The following MTM1 variants were observed in gnomAD, a reference collection of about 807,000 sequenced individuals.
The protein encoded by MTM1 is myotubularin 1, also known as myotubularin.
In MTM1, 9 loss-of-function variants were observed where a neutral mutation model predicts 52.1. The ratio of observed to expected loss-of-function variants is 0.17; its 90% CI spans 0.10 to 0.30. The LOEUF is 0.30. MTM1 is among the 10% of genes least tolerant of loss of function. MTM1 has a pLI of 1.00. For synonymous variants in MTM1, 136 were observed against 163.8 expected (o/e 0.83, Z 1.29); for missense variants, 277 against 470.7 (o/e 0.59, Z 3.81).
chrX:150,627,046 A>T (rs782051836), intron 6 of MTM1, among the ~76,000 whole-genome samples: 1 of 111,289 alleles, frequency 9.0e-6, no homozygotes, highest in East Asian at 2.8e-4. Context: ...TCTGGAACTG[A>T]CATTTCACCT....
At chrX:150,578,688 C>T (rs2038516386) in intron 1 of MTM1, among the ~76,000 whole-genome samples, 1 of 111,312 alleles carries the variant, frequency 9.0e-6, no homozygotes, top group Admixed American at 9.5e-5. Flanking sequence ...ATTGCTAGGA[C>T]CTCAAAAAGA....
chrX:150,572,253 T>A (rs1215273367), intron 1 of MTM1, among the ~76,000 whole-genome samples: 2 of 112,148 alleles, frequency 1.8e-5, no homozygotes, highest in African/African-American at 6.5e-5. Flanking sequence ...TAATAAAACC[T>A]GCCCTGCCAA....
At chrX:150,604,990 G>A (rs1026985704) in intron 4 of MTM1, among the ~76,000 whole-genome samples, 24 of 110,987 alleles carry the variant, frequency 2.2e-4, no homozygotes, top group African/African-American at 6.6e-4. Flanking sequence ...TGGACTTCTC[G>A]TGCAGCCATT....
chrX:150,627,485 T>A (rs190852852), intron 6 of MTM1, among the ~76,000 whole-genome samples: 16 of 112,183 alleles, frequency 1.4e-4, no homozygotes, highest in African/African-American at 4.9e-4. Context: ...TATGTTTTTT[T>A]AATTATAAAA....
Position 150,658,245 on chromosome X carries a change from A to G in MTM1, c.1260+218A>G, listed in dbSNP as rs181430830. Among the ~76,000 whole-genome samples the G allele has an allele frequency of 4.4e-4, 50 of 112,371 alleles. No individual in the cohort carries two copies. The East Asian group carries it at 0.014, about 31-fold the overall frequency. On this transcript the variant is annotated intron_variant, in intron 11 of 14. Coordinates refer to ENST00000370396, the MANE Select transcript of MTM1 (RefSeq NM_000252.3). Reference sequence around the variant, plus strand: ...TGCAGTTTCACTTGAAAGCAATACAAAGAATCTTCATAGAAATGTTTACAT... The same window carrying G: ...TGCAGTTTCACTTGAAAGCAATACAGAGAATCTTCATAGAAATGTTTACAT...
At position 150,618,154 on chromosome X, in the gene MTM1, T is replaced by C. The variant is rs2039416719; in HGVS notation, c.343-884T>C. On this transcript the variant is annotated intron_variant, in intron 5 of 14. Transcript: ENST00000370396. ...CCCAAAAGTGTAGTTACTACTAATA[T>C]GGGCTACTTTAATGTGGCTTATATG... is the stretch of plus-strand genomic sequence containing the variant. 2.7e-5 allele frequency among the ~76,000 whole-genome samples: 3 copies of C among 111,693 alleles called. No individual in the cohort carries two copies. The Admixed American group carries it at 2.9e-4, about 11-fold the overall frequency.
chrX:150,626,332 G>C (rs1557413420), intron 6 of MTM1, among the ~76,000 whole-genome samples: 1 of 111,504 alleles, frequency 9.0e-6, no homozygotes, highest in Admixed American at 9.5e-5. Flanking sequence ...TTTGTTTTTT[G>C]AGACGGAGTC....
intron 10 of MTM1, among the ~76,000 whole-genome samples, chrX:150,652,614 T>C (rs782187368): frequency 8.8e-5 from 8 of 91,016 alleles, no homozygotes; most frequent in East Asian, 7.1e-4. Context: ...CATATATATA[T>C]ACATATATAT....
chrX:150,639,146 G>C, intron 7 of MTM1, 120 bp downstream of exon 7: 1 of 614,033 alleles, frequency 1.6e-6, no homozygotes, highest in South Asian at 2.3e-5. Flanking sequence ...CTTTTCAATG[G>C]TGGTGATATT....
intron 4 of MTM1, among the ~76,000 whole-genome samples, chrX:150,611,188 A>G (rs2039269663): frequency 4.4e-5 from 5 of 112,405 alleles, no homozygotes; most frequent in Non-Finnish European, 7.5e-5. Context: ...GATGCTTGCT[A>G]GAGCATACTG....
intron 13 of MTM1, among the ~76,000 whole-genome samples, chrX:150,660,695 C>A (rs1557414656): frequency 8.9e-6 from 1 of 111,948 alleles, no homozygotes; most frequent in Non-Finnish European, 1.9e-5. Context: ...GCTCACAGTT[C>A]TGCAGGCTGT....
At chrX:150,569,560 G>A (rs781783375) in intron 1 of MTM1, among the ~76,000 whole-genome samples, 1 of 111,579 alleles carries the variant, frequency 9.0e-6, no homozygotes, top group South Asian at 3.9e-4. Flanking sequence ...TCCTGGATGG[G>A]GGAACTGAGG....
intron 9 of MTM1, among the ~76,000 whole-genome samples, chrX:150,648,452 G>A (rs2039969937): frequency 8.9e-6 from 1 of 112,610 alleles, no homozygotes; most frequent in African/African-American, 3.2e-5. Context: ...TGGCACATTT[G>A]TCTGGTGACT....
At chrX:150,655,194 G>A (rs1036717740) in intron 10 of MTM1, among the ~76,000 whole-genome samples, 6 of 108,784 alleles carry the variant, frequency 5.5e-5, no homozygotes, top group African/African-American at 1.7e-4. Context: ...GCGTGGTGGC[G>A]GGTGCCTGTA....
intron 14 of MTM1, among the ~76,000 whole-genome samples, chrX:150,669,587 T>G (rs1321289810): frequency 8.9e-6 from 1 of 112,268 alleles, no homozygotes; most frequent in African/African-American, 3.2e-5. Context: ...GGTATCTCAC[T>G]GCGGTTTTGA....
In MTM1 at chrX:150,618,127, T is replaced by A. The variant is rs930280759; in HGVS notation, c.343-911T>A. 1.5e-4 allele frequency among the ~76,000 whole-genome samples: 17 copies of A among 111,994 alleles called. No individual in the cohort carries two copies. The Admixed American group carries it at 1.5e-3, about 10-fold the overall frequency. On this transcript the variant is annotated intron_variant, in intron 5 of 14. Transcript: ENST00000370396. ...TCTGGTTTTGACTGTTTATTTTTAG[T>A]TCCCAAAAGTGTAGTTACTACTAAT...
At chrX:150,662,609 C>A (rs1557414737) in intron 13 of MTM1, among the ~76,000 whole-genome samples, 1 of 112,198 alleles carries the variant, frequency 8.9e-6, no homozygotes, top group African/African-American at 3.2e-5. Context: ...CAGGCGTGAG[C>A]CACCACACCC....
At chrX:150,626,607 C>T (rs782499194) in intron 6 of MTM1, among the ~76,000 whole-genome samples, 1 of 111,733 alleles carries the variant, frequency 8.9e-6, no homozygotes, top group Non-Finnish European at 1.9e-5. Context: ...TGCGTCCAGC[C>T]AACATAGGAT....
upstream of MTM1, among the ~76,000 whole-genome samples, chrX:150,566,511 G>T (rs782696940): frequency 3.6e-5 from 4 of 111,563 alleles, no homozygotes; most frequent in Non-Finnish European, 7.5e-5. Context: ...CACCTACACC[G>T]TGAGACAGGC....
Sources: allele counts gnomAD v4.1 joint callset (sites outside exome capture counted in the v4.1 genomes callset), GRCh38; gene constraint gnomAD v4.1.1; transcripts MANE v1.5; gene names NCBI Gene and HGNC (gene_info 2026-07-23, HGNC 2026-07-21).